The following SH3RF3 variants were observed in gnomAD, a reference collection of about 807,000 sequenced individuals.
SH3RF3 encodes the protein E3 ubiquitin-protein ligase SH3RF3.
Under a neutral mutation model 66.3 loss-of-function variants are expected in SH3RF3, and 29 were observed. The ratio of observed to expected loss-of-function variants is 0.44; its 90% CI spans 0.33 to 0.60. The LOEUF (loss-of-function observed/expected upper bound fraction) is 0.60. SH3RF3 is among the 20% of genes least tolerant of loss of function. SH3RF3 has a pLI of 0.04. For synonymous variants in SH3RF3, 583 were observed against 532.0 expected (o/e 1.10, Z -1.32); for missense variants, 1,194 against 1,190.9 (o/e 1.00, Z -0.04).
intron 6 of SH3RF3, 58 bp from the exon 7 acceptor site, chr2:109,436,835 A>G: frequency 6.4e-7 from 1 of 1,573,322 alleles, no homozygotes; most frequent in African/African-American, 1.3e-5. Flanking sequence ...CCAGAGGCCC[A>G]CATGGCACGA....
chr2:109,459,633 C>T (rs761990830), intron 8 of SH3RF3, among the ~76,000 whole-genome samples: 9 of 152,046 alleles, frequency 5.9e-5, no homozygotes, highest in Admixed American at 1.3e-4. Context: ...ATCAGTCACC[C>T]GAGCCAGCAC....
intron 1 of SH3RF3, among the ~76,000 whole-genome samples, chr2:109,327,864 C>CT (rs1163870058): frequency 6.6e-6 from 1 of 152,170 alleles, no homozygotes; most frequent in East Asian, 1.9e-4. Context: ...CATAAATTTT[C>CT]TTTTGTGTCA....
intron 2 of SH3RF3, among the ~76,000 whole-genome samples, chr2:109,351,329 G>T (rs371208780): frequency 2.6e-5 from 4 of 152,296 alleles, no homozygotes; most frequent in African/African-American, 9.6e-5. Flanking sequence ...TCTGGGCCAG[G>T]AGCACCTCGC....
At chr2:109,489,505 A>G (rs1679071083) in intron 8 of SH3RF3, among the ~76,000 whole-genome samples, 1 of 152,034 alleles carries the variant, frequency 6.6e-6, no homozygotes, top group South Asian at 2.1e-4. Context: ...GAGCTGGGGG[A>G]GGAGAAAGCA....
rs76038434 is a variant in SH3RF3 at position 109,353,662 on chromosome 2, T to C, written c.849+5713T>C. Among the ~76,000 whole-genome samples, 10 of 152,300 alleles carry C rather than the reference T, an allele frequency of 6.6e-5. No homozygotes were observed. In the East Asian group the frequency reaches 1.9e-3, roughly 30 times the overall value. The stretch of plus-strand genomic sequence containing the variant: ...GGCTTCTTGGTCCATTCCTTCACTC[T>C]TCAGATGTTTATCAACCCTAGACTG... On this transcript the variant is annotated intron_variant, in intron 2 of 9. Transcript: ENST00000309415.
intron 1 of SH3RF3, among the ~76,000 whole-genome samples, chr2:109,285,980 G>C (rs917094683): frequency 6.6e-6 from 1 of 152,188 alleles, no homozygotes; most frequent in African/African-American, 2.4e-5. Context: ...CTGCAGGACA[G>C]TTTGCCTAGG....
chr2:109,293,307 G>A, intron 1 of SH3RF3, among the ~76,000 whole-genome samples: 1 of 152,090 alleles, frequency 6.6e-6, no homozygotes, highest in East Asian at 1.9e-4. Context: ...GAAGGAGTTT[G>A]GATGACAACT....
intron 4 of SH3RF3, among the ~76,000 whole-genome samples, chr2:109,414,729 G>A (rs796746677): frequency 3.3e-5 from 5 of 152,278 alleles, no homozygotes; most frequent in African/African-American, 9.6e-5. Flanking sequence ...CAAACACTGC[G>A]TGTCCAGCAC....
chr2:109,425,884 TTTTC>T (rs545963830), intron 5 of SH3RF3, among the ~76,000 whole-genome samples: 30 of 152,150 alleles, frequency 2.0e-4, no homozygotes, highest in Admixed American at 3.3e-4. Context: ...AAGTACATCT[TTTTC>T]TTTCTTTCTT....
intron 5 of SH3RF3, among the ~76,000 whole-genome samples, chr2:109,429,630 A>G (rs990790305): frequency 3.3e-5 from 5 of 151,770 alleles, no homozygotes; most frequent in African/African-American, 1.2e-4. Flanking sequence ...CATCTTGCCC[A>G]AGCCCTGCCC....
intron 1 of SH3RF3, among the ~76,000 whole-genome samples, chr2:109,219,691 A>G (rs1037857182): frequency 2.6e-5 from 4 of 152,240 alleles, no homozygotes; most frequent in Non-Finnish European, 4.4e-5. Context: ...TCAATTTGCA[A>G]TCTCATCAAA....
At chr2:109,364,570 A>G (rs1361960893) in intron 2 of SH3RF3, among the ~76,000 whole-genome samples, 1 of 152,226 alleles carries the variant, frequency 6.6e-6, no homozygotes, top group East Asian at 1.9e-4. Flanking sequence ...TGGACTGGGT[A>G]AAAAGAACTG....
chr2:109,162,508 C>T (rs1003003822), intron 1 of SH3RF3, among the ~76,000 whole-genome samples: 11 of 152,196 alleles, frequency 7.2e-5, no homozygotes, highest in Admixed American at 7.2e-4. Flanking sequence ...TGGTGTGCTG[C>T]ACCCATTAAC....
chr2:109,471,956 A>G (rs1012495326), intron 8 of SH3RF3, among the ~76,000 whole-genome samples: 1 of 152,120 alleles, frequency 6.6e-6, no homozygotes, highest in African/African-American at 2.4e-5. Context: ...GAAGCAGGCC[A>G]TTTTCCTCCA....
At chr2:109,163,390 CTTTTT>C (rs70956302) in intron 1 of SH3RF3, among the ~76,000 whole-genome samples, 6 of 70,264 alleles carry the variant, frequency 8.5e-5, no homozygotes, top group South Asian at 6.8e-4. Context: ...AGCAAATATT[CTTTTT>C]TTTTTTTTTT....
intron 1 of SH3RF3, among the ~76,000 whole-genome samples, chr2:109,223,586 C>T (rs1045498379): frequency 8.6e-5 from 13 of 151,906 alleles, no homozygotes; most frequent in African/African-American, 3.1e-4. Flanking sequence ...ATTCAAGCAT[C>T]GGTGGAGGGC....
intron 8 of SH3RF3, among the ~76,000 whole-genome samples, chr2:109,477,794 G>A (rs1219230317): frequency 6.6e-6 from 1 of 152,116 alleles, no homozygotes; most frequent in East Asian, 1.9e-4. Context: ...TGGTCAATAG[G>A]GCAAGGGAGC....
At chr2:109,491,523 T>C (rs1453570908) in intron 9 of SH3RF3, among the ~76,000 whole-genome samples, 4 of 152,102 alleles carry the variant, frequency 2.6e-5, no homozygotes, top group African/African-American at 9.7e-5. Context: ...TCAGCCTAGG[T>C]TTTTACCGAT....
intron 1 of SH3RF3, among the ~76,000 whole-genome samples, chr2:109,220,394 G>A (rs1307705641): frequency 6.6e-6 from 1 of 152,108 alleles, no homozygotes; most frequent in Non-Finnish European, 1.5e-5. Flanking sequence ...GACACCAAAA[G>A]CACAGGCAAT....
Sources: allele counts gnomAD v4.1 joint callset (sites outside exome capture counted in the v4.1 genomes callset), GRCh38; gene constraint gnomAD v4.1.1; transcripts MANE v1.5; gene names NCBI Gene and HGNC (gene_info 2026-07-23, HGNC 2026-07-21).